Variants in SPATA16 observed in about 807,000 individuals in gnomAD.
SPATA16 encodes spermatogenesis-associated protein 16.
SPATA16 carries 36 observed loss-of-function variants against 63.3 expected under a neutral mutation model. The observed-to-expected ratio is 0.57, with a 90% confidence interval of 0.44 to 0.75. SPATA16 has a LOEUF of 0.75. SPATA16 is among the 30% of genes least tolerant of loss of function. The pLI, the probability that SPATA16 is intolerant of heterozygous loss-of-function variation, is 0.00. For missense variants in SPATA16, 646 were observed against 679.3 expected, an observed-to-expected ratio of 0.95 and a Z score of 0.54; for synonymous variants, 203 against 216.7, an observed-to-expected ratio of 0.94 and a Z score of 0.56.
At chr3:172,923,493 G>A (rs1732660001) in intron 8 of SPATA16, among the ~76,000 whole-genome samples, 1 of 152,032 alleles carries the variant, frequency 6.6e-6, no homozygotes, top group Admixed American at 6.6e-5. Context: ...AGAGGGAACA[G>A]GAAGGAAATT....
intron 10 of SPATA16, among the ~76,000 whole-genome samples, chr3:172,890,204 C>G (rs1163975473): frequency 6.6e-6 from 1 of 152,090 alleles, no homozygotes; most frequent in Non-Finnish European, 1.5e-5. Context: ...AATCAAAATT[C>G]TGAAAGAATG....
At chr3:173,132,562 A>G (rs1401722920) in intron 1 of SPATA16, among the ~76,000 whole-genome samples, 2 of 152,208 alleles carry the variant, frequency 1.3e-5, no homozygotes, top group East Asian at 3.8e-4. Flanking sequence ...AATGGCAACA[A>G]TGATGCAAAA....
intron 4 of SPATA16, among the ~76,000 whole-genome samples, chr3:172,987,671 A>G (rs1734487556): frequency 6.6e-6 from 1 of 152,248 alleles, no homozygotes; most frequent in African/African-American, 2.4e-5. Context: ...CTGTACAAAA[A>G]TAGGCAATCC....
At chr3:172,991,051 C>T (rs1734564845) in intron 4 of SPATA16, among the ~76,000 whole-genome samples, 1 of 152,124 alleles carries the variant, frequency 6.6e-6, no homozygotes, top group African/African-American at 2.4e-5. Flanking sequence ...GATGCCCACA[C>T]TCTTGATCCC....
At chr3:173,111,187 G>A (rs749890568) in intron 2 of SPATA16, among the ~76,000 whole-genome samples, 34 of 152,092 alleles carry the variant, frequency 2.2e-4, no homozygotes, top group Non-Finnish European at 4.3e-4. Context: ...CCATCTTAGA[G>A]AGGGTTATTG....
chr3:173,120,492 C>T (rs1243590742), intron 1 of SPATA16, among the ~76,000 whole-genome samples: 3 of 152,118 alleles, frequency 2.0e-5, no homozygotes, highest in Non-Finnish European at 4.4e-5. Flanking sequence ...TCCCAGGTAT[C>T]TTATCTTATT....
rs1259384354 is a variant in SPATA16, at chr3:173,117,171, A to G, written c.561T>C (p.Tyr187=). 3 of 1,614,004 alleles carry G rather than the reference A, an allele frequency of 1.9e-6. No homozygotes were observed. The highest frequency in any genetic ancestry group is 2.2e-5 in the East Asian group (1 of 44,888). Residue 187 remains tyrosine, a synonymous_variant, in exon 2 of 11, where the codon TAT becomes TAC. Coordinates refer to ENST00000351008, the MANE Select transcript of SPATA16 (RefSeq NM_031955.6). The part of the protein sequence containing the change: ...QVALKDASSC[Y]RQKKYALAAG... ...CTGCCAAGGCGTATTTCTTTTGTCT[A>G]TAGCAAGAGCTGGCATCCTTTAAGG...
chr3:173,132,961 C>A (rs758268260), intron 1 of SPATA16, among the ~76,000 whole-genome samples: 2 of 152,146 alleles, frequency 1.3e-5, no homozygotes, highest in Non-Finnish European at 2.9e-5. Flanking sequence ...CTACCCCCAA[C>A]TCTATAGTGC....
intron 10 of SPATA16, among the ~76,000 whole-genome samples, chr3:172,906,987 G>T (rs924152357): frequency 6.6e-6 from 1 of 152,092 alleles, no homozygotes; most frequent in African/African-American, 2.4e-5. Flanking sequence ...CTCTCATGAG[G>T]ATTATGAGTT....
intron 2 of SPATA16, among the ~76,000 whole-genome samples, chr3:173,053,879 A>G (rs952478834): frequency 1.3e-5 from 2 of 152,138 alleles, no homozygotes; most frequent in Non-Finnish European, 1.5e-5. Context: ...AAATCTAAAG[A>G]TGGGGAGAAA....
At chr3:172,934,603 A>G (rs1732939128) in intron 6 of SPATA16, among the ~76,000 whole-genome samples, 1 of 152,276 alleles carries the variant, frequency 6.6e-6, no homozygotes, top group South Asian at 2.1e-4. Context: ...TAAGTACTAT[A>G]ACTTTTCATG....
At chr3:173,129,892 G>A (rs1361775832) in intron 1 of SPATA16, among the ~76,000 whole-genome samples, 5 of 152,004 alleles carry the variant, frequency 3.3e-5, no homozygotes, top group East Asian at 1.9e-4. Flanking sequence ...GGTACACTAC[G>A]GGTAATGAAT....
intron 2 of SPATA16, among the ~76,000 whole-genome samples, chr3:173,077,564 T>TAACA (rs2108311453): frequency 6.6e-6 from 1 of 152,260 alleles, no homozygotes; most frequent in East Asian, 1.9e-4. Context: ...GAGCCGGTGG[T>TAACA]GAGATATAAC....
intron 1 of SPATA16, among the ~76,000 whole-genome samples, chr3:173,124,573 C>A (rs1487404915): frequency 6.6e-6 from 1 of 152,158 alleles, no homozygotes; most frequent in Non-Finnish European, 1.5e-5. Context: ...CCTCTTGATG[C>A]CTGCACTGAT....
chr3:172,889,780 A>G, intron 10 of SPATA16, 88 bp from the exon 11 acceptor site: 4 of 1,543,452 alleles, frequency 2.6e-6, no homozygotes, highest in Non-Finnish European at 3.5e-6. Flanking sequence ...TTTAAAATAA[A>G]TGGCACATAC....
chr3:172,964,048 C>T (rs1318552236), intron 5 of SPATA16, among the ~76,000 whole-genome samples: 1 of 152,050 alleles, frequency 6.6e-6, no homozygotes, highest in African/African-American at 2.4e-5. Context: ...ACAAACAGAC[C>T]ACATCAAACC....
chr3:173,012,708 G>A (rs992376404), intron 4 of SPATA16, among the ~76,000 whole-genome samples: 3 of 152,160 alleles, frequency 2.0e-5, no homozygotes, highest in African/African-American at 7.2e-5. Flanking sequence ...ATGATGCTAG[G>A]ACAGCTGGCT....
chr3:173,027,341 A>G (rs1577138288), intron 3 of SPATA16, among the ~76,000 whole-genome samples: 1 of 151,994 alleles, frequency 6.6e-6, no homozygotes, highest in African/African-American at 2.4e-5. Flanking sequence ...TTCTAAATAG[A>G]TGATTACATC....
intron 2 of SPATA16, among the ~76,000 whole-genome samples, chr3:173,116,231 C>T (rs1417146729): frequency 6.6e-6 from 1 of 152,156 alleles, no homozygotes; most frequent in African/African-American, 2.4e-5. Context: ...GGTTTGTCTT[C>T]CTCACCAGGT....
Sources: gnomAD v4.1 joint callset for allele counts (sites outside exome capture counted in the v4.1 genomes callset) on GRCh38, gnomAD v4.1.1 for gene constraint, MANE v1.5 for transcripts, NCBI Gene and HGNC (gene_info 2026-07-23, HGNC 2026-07-21) for gene names.